PDE1A: variants seen among roughly 807,000 people sequenced by gnomAD.
PDE1A encodes phosphodiesterase 1A.
Under a neutral mutation model 61.7 loss-of-function variants are expected in PDE1A, and 35 were observed. The ratio of observed to expected loss-of-function variants is 0.57; its 90% CI spans 0.43 to 0.75. PDE1A has a LOEUF of 0.75. Ranked by LOEUF, PDE1A falls within the 30% of genes least tolerant of loss-of-function variation. The pLI is 0.00. For missense variants in PDE1A, 597 were observed against 630.6 expected (o/e 0.95, Z 0.57); for synonymous variants, 232 against 213.2 (o/e 1.09, Z -0.77).
At chr2:182,172,284 G>A (rs1692296566) in intron 13 of PDE1A, among the ~76,000 whole-genome samples, 1 of 151,998 alleles carries the variant, frequency 6.6e-6, no homozygotes. Flanking sequence ...GGAGACACCA[G>A]AAATCTGATG....
the PDE1A span, among the ~76,000 whole-genome samples, chr2:182,578,647 AG>A: frequency 5.3e-5 from 8 of 152,360 alleles, no homozygotes; most frequent in South Asian, 6.2e-4. Flanking sequence ...ACAATAGAAA[AG>A]TATACTGCTA....
At chr2:182,245,505 C>A (rs1010592128) in intron 2 of PDE1A, among the ~76,000 whole-genome samples, 1 of 151,714 alleles carries the variant, frequency 6.6e-6, no homozygotes, top group Admixed American at 6.6e-5. Context: ...ATCTATTCAA[C>A]CTTCCTTCCT....
At chr2:182,271,592 T>C (rs866910298) in intron 1 of PDE1A, among the ~76,000 whole-genome samples, 4 of 152,264 alleles carry the variant, frequency 2.6e-5, no homozygotes, top group Non-Finnish European at 5.9e-5. Context: ...TTAGAAATGC[T>C]TTCAAGATCA....
intron 1 of PDE1A, among the ~76,000 whole-genome samples, chr2:182,412,917 G>A (rs1702702032): frequency 1.3e-5 from 2 of 152,108 alleles, no homozygotes; most frequent in Non-Finnish European, 2.9e-5. Flanking sequence ...CAAGTTCAAA[G>A]GAATAAAAGC....
chr2:182,174,617 G>A, intron 13 of PDE1A, among the ~76,000 whole-genome samples: 1 of 152,054 alleles, frequency 6.6e-6, no homozygotes, highest in Admixed American at 6.6e-5. Flanking sequence ...TTTTAAGCTG[G>A]CTTGTATAAT....
At chr2:182,355,670 T>A (rs1699136909) in intron 1 of PDE1A, among the ~76,000 whole-genome samples, 1 of 152,046 alleles carries the variant, frequency 6.6e-6, no homozygotes, top group African/African-American at 2.4e-5. Flanking sequence ...TCTAAAGCAT[T>A]TTTTTCCTAA....
the PDE1A span, among the ~76,000 whole-genome samples, chr2:182,700,619 G>T: frequency 6.7e-6 from 1 of 150,294 alleles, no homozygotes; most frequent in Non-Finnish European, 1.5e-5. Context: ...CTACTTGGGA[G>T]GCTGAGGCAG....
chr2:182,182,042 AT>A (rs1379327372), intron 13 of PDE1A, among the ~76,000 whole-genome samples: 1 of 152,222 alleles, frequency 6.6e-6, no homozygotes, highest in Non-Finnish European at 1.5e-5. Flanking sequence ...TTTTGCAGTC[AT>A]GAACAATGCT....
intron 1 of PDE1A, among the ~76,000 whole-genome samples, chr2:182,344,391 G>T (rs528528805): frequency 6.6e-6 from 1 of 152,040 alleles, no homozygotes; most frequent in Non-Finnish European, 1.5e-5. Flanking sequence ...TCTTACTAAT[G>T]GCTGCAAATT....
intron 10 of PDE1A, among the ~76,000 whole-genome samples, chr2:182,192,122 G>A (rs907338294): frequency 6.6e-6 from 1 of 152,096 alleles, no homozygotes; most frequent in Admixed American, 6.6e-5. Flanking sequence ...CTCCCAGAGT[G>A]CTAGGATTAC....
intron 1 of PDE1A, among the ~76,000 whole-genome samples, chr2:182,359,814 C>G (rs1270014965): frequency 6.6e-6 from 1 of 152,098 alleles, no homozygotes; most frequent in Admixed American, 6.6e-5. Context: ...TGAGGAAACT[C>G]AGATGATCAC....
intron 1 of PDE1A, among the ~76,000 whole-genome samples, chr2:182,322,602 G>A (rs766360423): frequency 9.2e-5 from 14 of 152,236 alleles, no homozygotes; most frequent in Non-Finnish European, 1.8e-4. Flanking sequence ...CTTCATAGCA[G>A]TATGAAAATA....
chr2:182,650,242 T>G, the PDE1A span, among the ~76,000 whole-genome samples: 3 of 152,130 alleles, frequency 2.0e-5, no homozygotes, highest in Non-Finnish European at 4.4e-5. Context: ...TGTTTAGTAT[T>G]TAGAATGCAA....
At chr2:182,681,157 GT>G in the PDE1A span, among the ~76,000 whole-genome samples, 146 of 143,118 alleles carry the variant, frequency 1.0e-3, no homozygotes, top group African/African-American at 2.9e-3. Context: ...TGTTTTTTTT[GT>G]TTTTTTTTTT....
At chr2:182,569,148 C>T in the PDE1A span, among the ~76,000 whole-genome samples, 6 of 151,336 alleles carry the variant, frequency 4.0e-5, no homozygotes, top group East Asian at 5.9e-4. Flanking sequence ...AGCTACTTGG[C>T]GGGGCTGACG....
chr2:182,608,222 A>T, the PDE1A span, among the ~76,000 whole-genome samples: 2 of 152,214 alleles, frequency 1.3e-5, no homozygotes, highest in Non-Finnish European at 2.9e-5. Context: ...CTGAAAATCT[A>T]AAAATATTAC....
chr2:182,145,253 T>C (rs1427295525), downstream of PDE1A, among the ~76,000 whole-genome samples: 2 of 152,104 alleles, frequency 1.3e-5, no homozygotes, highest in Non-Finnish European at 2.9e-5. Context: ...TTAGTGAACA[T>C]ATAAAATTTA....
At chr2:182,423,947 C>CCT (rs1053160962) in intron 1 of PDE1A, among the ~76,000 whole-genome samples, 1 of 134,300 alleles carries the variant, frequency 7.4e-6, no homozygotes, top group African/African-American at 2.8e-5. Flanking sequence ...CTGGATTAAC[C>CCT]TTTTTTTTTT....
chr2:182,175,119 C>A (rs1172654354), intron 13 of PDE1A, among the ~76,000 whole-genome samples: 1 of 152,120 alleles, frequency 6.6e-6, no homozygotes, highest in Non-Finnish European at 1.5e-5. Flanking sequence ...GTATACATGC[C>A]ACATTTTCTT....
Sources: allele counts gnomAD v4.1 joint callset (sites outside exome capture counted in the v4.1 genomes callset), GRCh38; gene constraint gnomAD v4.1.1; transcripts MANE v1.5; gene names NCBI Gene and HGNC (gene_info 2026-07-23, HGNC 2026-07-21).